PALS2: variants seen among roughly 807,000 people sequenced by gnomAD.
PALS2 encodes the protein protein associated with LIN7 2, MAGUK p55 family member.
In PALS2, 27 loss-of-function variants were observed where a neutral mutation model predicts 61.6. That is an observed-to-expected ratio of 0.44 (90% CI 0.32 to 0.60). The LOEUF is 0.60. PALS2 is among the 20% of genes least tolerant of loss of function. The probability of loss-of-function intolerance (pLI) is 0.05; values close to 1 mark genes in which losing one functional copy is unlikely to be tolerated. For missense variants in PALS2, 554 were observed against 639.4 expected, an observed-to-expected ratio of 0.87 and a Z score of 1.44; for synonymous variants, 236 against 218.6, an observed-to-expected ratio of 1.08 and a Z score of -0.70.
rs1488267389 is a variant in PALS2, at chr7:24,692,963, T to A, written c.*5349T>A. On this transcript the variant is annotated 3_prime_UTR_variant, in exon 12 of 12. Coordinates refer to ENST00000222644, the MANE Select transcript of PALS2 (RefSeq NM_001303037.2). The stretch of plus-strand genomic sequence containing the variant: ...TCAAAATCCAGATATTAATCCACTT[T>A]AGTTATTACTTTGTAATTGCTTCTC... 4 of 152,170 alleles carry A rather than the reference T, an allele frequency of 2.6e-5. No homozygotes were observed. Among genetic ancestry groups the A allele is most frequent in the South Asian group, 4.1e-4 (2 of 4,824 alleles). The allele number at this position is 152,170 out of a possible 1,614,324, so 9.4% of individuals were successfully genotyped here. A position where few individuals can be genotyped will look rare whatever the true frequency, so the allele number is the denominator to read the frequency against.
At chr7:24,646,962 GGTT>G (rs1185807656) in intron 3 of PALS2, among the ~76,000 whole-genome samples, 1 of 151,982 alleles carries the variant, frequency 6.6e-6, no homozygotes, top group Non-Finnish European at 1.5e-5. Context: ...AGTTTCTCAT[GGTT>G]GTTTTTATTT....
At chr7:24,586,595 T>G (rs1437888231) in intron 1 of PALS2, among the ~76,000 whole-genome samples, 1 of 152,072 alleles carries the variant, frequency 6.6e-6, no homozygotes, top group Non-Finnish European at 1.5e-5. Flanking sequence ...GGAATAAGAG[T>G]GCATTAGGTT....
intron 8 of PALS2, 65 bp downstream of exon 8, chr7:24,666,154 A>G: frequency 7.2e-7 from 1 of 1,385,984 alleles, no homozygotes; most frequent in Non-Finnish European, 1.0e-6. Flanking sequence ...GTGTGGCATA[A>G]ACTCTGAATA....
intron 1 of PALS2, among the ~76,000 whole-genome samples, chr7:24,608,581 A>G (rs1406289175): frequency 6.6e-6 from 1 of 152,064 alleles, no homozygotes; most frequent in African/African-American, 2.4e-5. Context: ...TTATTCTGTC[A>G]TTTAGTCTGC....
chr7:24,587,011 C>T (rs901938262), intron 1 of PALS2, among the ~76,000 whole-genome samples: 2 of 114,982 alleles, frequency 1.7e-5, no homozygotes, highest in African/African-American at 5.6e-5. Context: ...CCAAAATAAA[C>T]CCTGGTCTTG....
chr7:24,634,392 G>A (rs1366761586), intron 2 of PALS2, among the ~76,000 whole-genome samples: 4 of 151,930 alleles, frequency 2.6e-5, no homozygotes, highest in South Asian at 2.1e-4. Context: ...CATCACACCC[G>A]GCTAATTTTT....
At chr7:24,646,311 T>G (rs945282062) in intron 3 of PALS2, among the ~76,000 whole-genome samples, 43 of 152,336 alleles carry the variant, frequency 2.8e-4, no homozygotes, top group African/African-American at 9.9e-4. Flanking sequence ...GCTCTTATTA[T>G]TTTGAGGTAT....
intron 1 of PALS2, among the ~76,000 whole-genome samples, chr7:24,606,181 A>C (rs909441522): frequency 1.3e-5 from 2 of 152,180 alleles, no homozygotes; most frequent in African/African-American, 4.8e-5. Context: ...TACAGTTAAG[A>C]ATTACTATGA....
chr7:24,575,819 A>G (rs190370935), intron 1 of PALS2, among the ~76,000 whole-genome samples: 1 of 152,350 alleles, frequency 6.6e-6, no homozygotes, highest in East Asian at 1.9e-4. Context: ...AAGAGGACGC[A>G]TTTATACTTT....
chr7:24,580,654 T>G (rs1782806526), intron 1 of PALS2, among the ~76,000 whole-genome samples: 1 of 152,330 alleles, frequency 6.6e-6, no homozygotes, highest in East Asian at 1.9e-4. Context: ...CAGAACAAAT[T>G]ATAACACAGT....
At chr7:24,672,000 A>T (rs987940668) in intron 9 of PALS2, among the ~76,000 whole-genome samples, 16 of 151,226 alleles carry the variant, frequency 1.1e-4, no homozygotes, top group Admixed American at 7.9e-4. Flanking sequence ...TTTCTTTTTC[A>T]GCTTGTTTTG....
intron 2 of PALS2, among the ~76,000 whole-genome samples, chr7:24,638,754 C>T (rs777193050): frequency 2.0e-5 from 3 of 152,150 alleles, no homozygotes; most frequent in Admixed American, 6.5e-5. Flanking sequence ...TCACATGACT[C>T]TCCCCTGACC....
chr7:24,641,548 A>G (rs1317863199), intron 2 of PALS2, among the ~76,000 whole-genome samples, 168 bp from the exon 3 acceptor site: 1 of 152,204 alleles, frequency 6.6e-6, no homozygotes, highest in Non-Finnish European at 1.5e-5. Context: ...TGCATGATAT[A>G]CTTACTGTAA....
chr7:24,668,212 A>G lies in PALS2; in HGVS notation c.953-287A>G, dbSNP rs76573425. Among the ~76,000 whole-genome samples, 1,884 of 152,096 alleles carry G rather than the reference A, an allele frequency of 0.012. 110 individuals carry two copies. The East Asian group carries it at 0.19, about 15-fold the overall frequency. On this transcript the variant is annotated intron_variant, in intron 8 of 11. Coordinates refer to ENST00000222644, the MANE Select transcript of PALS2 (RefSeq NM_001303037.2). ...ATGGCTCATACCTGTGGTTTCATTTACTCGGGAGGCTTCATTGAGCCCAGG... is the reference window on the plus strand; with the variant it reads ...ATGGCTCATACCTGTGGTTTCATTTGCTCGGGAGGCTTCATTGAGCCCAGG...
At chr7:24,639,564 A>G (rs118081664) in intron 2 of PALS2, among the ~76,000 whole-genome samples, 316 of 152,290 alleles carry the variant, frequency 2.1e-3, no homozygotes, top group Non-Finnish European at 3.7e-3. Context: ...TTACAAGGTT[A>G]AAGATGCTAA....
chr7:24,619,140 A>G (rs1784399086), intron 1 of PALS2, among the ~76,000 whole-genome samples: 1 of 152,196 alleles, frequency 6.6e-6, no homozygotes. Context: ...GATCCATAAT[A>G]GTTTACTCAT....
intron 1 of PALS2, among the ~76,000 whole-genome samples, chr7:24,608,694 T>G (rs1280624387): frequency 6.6e-6 from 1 of 152,166 alleles, no homozygotes; most frequent in Non-Finnish European, 1.5e-5. Flanking sequence ...CTTGAACTCT[T>G]TGGCTCAAGT....
At chr7:24,664,470 G>C (rs1473507879) in intron 6 of PALS2, among the ~76,000 whole-genome samples, 1 of 152,074 alleles carries the variant, frequency 6.6e-6, no homozygotes, top group Non-Finnish European at 1.5e-5. Context: ...AACTATCAAA[G>C]CAAATGAGAG....
At chr7:24,683,469 A>G (rs919036315) in intron 11 of PALS2, among the ~76,000 whole-genome samples, 1 of 151,348 alleles carries the variant, frequency 6.6e-6, no homozygotes, top group African/African-American at 2.4e-5. Flanking sequence ...TATTGATGCT[A>G]AGATTGTCCC....
Sources: gnomAD v4.1 joint callset for allele counts (sites outside exome capture counted in the v4.1 genomes callset) on GRCh38, gnomAD v4.1.1 for gene constraint, MANE v1.5 for transcripts, NCBI Gene and HGNC (gene_info 2026-07-23, HGNC 2026-07-21) for gene names.